Variants in IFI16 observed in about 807,000 individuals in gnomAD.
IFI16 encodes the protein interferon gamma inducible protein 16.
Under a neutral mutation model 68.4 loss-of-function variants are expected in IFI16, and 49 were observed. That is an observed-to-expected ratio of 0.72 (90% CI 0.57 to 0.91). The LOEUF is 0.91. Ranked by LOEUF, IFI16 falls within the 40% of genes least tolerant of loss-of-function variation. The probability of loss-of-function intolerance (pLI) is 0.00; values close to 1 mark genes in which losing one functional copy is unlikely to be tolerated. For synonymous variants in IFI16, 307 were observed against 315.0 expected, an observed-to-expected ratio of 0.97 and a Z score of 0.27; for missense variants, 878 against 942.9, an observed-to-expected ratio of 0.93 and a Z score of 0.90.
chr1:159,013,874 C>G (rs1406995246), intron 1 of IFI16, among the ~76,000 whole-genome samples: 1 of 151,870 alleles, frequency 6.6e-6, no homozygotes, highest in East Asian at 1.9e-4. Context: ...GTATAGGAAG[C>G]AAGGAATTTT....
upstream of IFI16, among the ~76,000 whole-genome samples, chr1:159,002,200 A>G (rs1006209138): frequency 1.3e-5 from 2 of 152,172 alleles, no homozygotes; most frequent in Non-Finnish European, 2.9e-5. Context: ...ACAGCTAGTA[A>G]AAGACAGTAC....
intron 6 of IFI16, 34 bp from the exon 7 acceptor site, chr1:159,032,490 T>G (rs2101873178): frequency 7.3e-7 from 1 of 1,374,750 alleles, no homozygotes; most frequent in East Asian, 2.4e-5. Flanking sequence ...CCTCTAATAT[T>G]GAAAACCATT....
At chr1:159,038,731 C>T (rs751796400) in intron 7 of IFI16, among the ~76,000 whole-genome samples, 1 of 152,134 alleles carries the variant, frequency 6.6e-6, no homozygotes, top group Non-Finnish European at 1.5e-5. Flanking sequence ...TCCAGACACC[C>T]TCTATCCTTT....
intron 1 of IFI16, 100 bp downstream of exon 1, chr1:159,010,261 G>A (rs1470457947): frequency 6.6e-6 from 1 of 152,216 alleles, no homozygotes; most frequent in Non-Finnish European, 1.5e-5. Context: ...AGGGTCATGG[G>A]ATGATGGGAG....
At chr1:159,030,026 G>A (rs1163611336) in intron 6 of IFI16, among the ~76,000 whole-genome samples, 5 of 152,120 alleles carry the variant, frequency 3.3e-5, no homozygotes, top group African/African-American at 9.7e-5. Flanking sequence ...TTGTCAGATT[G>A]AGTTAATTCA....
intron 2 of IFI16, 48 bp downstream of exon 2, chr1:159,014,993 C>T (rs1652832462): frequency 6.6e-7 from 1 of 1,512,594 alleles, no homozygotes; most frequent in Non-Finnish European, 8.9e-7. Flanking sequence ...TCCCCAAACC[C>T]TCCCCAACAT....
chr1:159,053,741 A>T lies in IFI16; in HGVS notation c.2277+17A>T. ...CACATCAAGGTTGGAACTTTATAGGAACATCATTTTTCCAAGTGGCGAATC... is the reference window on the plus strand; with the variant it reads ...CACATCAAGGTTGGAACTTTATAGGTACATCATTTTTCCAAGTGGCGAATC... On this transcript the variant is annotated intron_variant, in intron 11 of 11. Transcript: ENST00000295809. 1.3e-6 allele frequency: 2 copies of T among 1,592,032 alleles called. No homozygotes were observed. The highest frequency in any genetic ancestry group is 2.2e-5 in the South Asian group (2 of 90,334).
upstream of IFI16, among the ~76,000 whole-genome samples, chr1:159,005,302 G>A (rs1652212757): frequency 6.6e-6 from 1 of 152,136 alleles, no homozygotes; most frequent in Non-Finnish European, 1.5e-5. Context: ...TCCATTACAG[G>A]GAGGGTCAGA....
Position 159,016,465 on chromosome 1 carries a change from A to G in IFI16, c.382-68A>G, listed in dbSNP as rs529424350. 42 of 1,363,540 alleles carry G rather than the reference A, an allele frequency of 3.1e-5. 1 individual carries two copies. In the South Asian group the frequency reaches 4.7e-4, roughly 15 times the overall value. 84.5% of individuals were successfully genotyped at this position (1,363,540 alleles called of 1,614,324 possible). ...TTAGGAATAATAAAACTACTATCCA[A>G]TAATGAAAATGTGCTCTACTTCATT... is the stretch of plus-strand genomic sequence containing the variant. On this transcript the variant is annotated intron_variant, in intron 3 of 11. Transcript: ENST00000295809.
chr1:159,023,909 G>A (rs903768949), intron 6 of IFI16, among the ~76,000 whole-genome samples: 2 of 152,170 alleles, frequency 1.3e-5, no homozygotes, highest in African/African-American at 4.8e-5. Context: ...GCTTGCCCTC[G>A]GGGGCGGACC....
intron 6 of IFI16, among the ~76,000 whole-genome samples, chr1:159,024,568 C>A (rs1289765563): frequency 6.6e-6 from 1 of 152,154 alleles, no homozygotes; most frequent in Non-Finnish European, 1.5e-5. Context: ...TACAAGGTTG[C>A]CAGGCTGTAG....
intron 9 of IFI16, among the ~76,000 whole-genome samples, chr1:159,051,371 C>T (rs778003312): frequency 3.9e-5 from 6 of 152,294 alleles, no homozygotes; most frequent in Non-Finnish European, 7.4e-5. Context: ...TGCCTTTACC[C>T]TCTGCTTCCC....
At chr1:159,029,771 C>T (rs563830873) in intron 6 of IFI16, among the ~76,000 whole-genome samples, 1 of 151,740 alleles carries the variant, frequency 6.6e-6, no homozygotes, top group African/African-American at 2.4e-5. Context: ...ACCTCCACCT[C>T]CCAGGTTCAA....
chr1:159,052,950 T>A (rs1422976798), intron 10 of IFI16: 1 of 152,354 alleles, frequency 6.6e-6, no homozygotes, highest in African/African-American at 2.4e-5. Flanking sequence ...TTTAAATGAC[T>A]GTACATATAT....
At chr1:159,033,272 C>T (rs185360202) in intron 7 of IFI16, among the ~76,000 whole-genome samples, 2 of 152,272 alleles carry the variant, frequency 1.3e-5, no homozygotes, top group Non-Finnish European at 1.5e-5. Context: ...CACAGGGTCT[C>T]CTGTCAATGA....
chr1:159,039,028 A>C (rs897215606), intron 7 of IFI16, among the ~76,000 whole-genome samples: 10 of 152,164 alleles, frequency 6.6e-5, no homozygotes, highest in Admixed American at 3.3e-4. Context: ...ACTTTGGTTA[A>C]TGTTGTTCTA....
At chr1:159,001,068 A>G (rs918047730), upstream of IFI16, among the ~76,000 whole-genome samples, 4 of 152,242 alleles carry the variant, frequency 2.6e-5, no homozygotes, top group Admixed American at 6.5e-5. Context: ...TCTTTATAAA[A>G]AAGAAAAATT....
intron 10 of IFI16, 67 bp downstream of exon 10, chr1:159,052,165 C>A: frequency 1.5e-6 from 2 of 1,320,740 alleles, no homozygotes; most frequent in Non-Finnish European, 1.0e-6. Flanking sequence ...CTTAACTTGT[C>A]AACTGGAGTT....
At chr1:159,016,730 G>GT (rs1358457381) in intron 4 of IFI16, 30 bp downstream of exon 4, 27 of 1,583,780 alleles carry the variant, frequency 1.7e-5, no homozygotes, top group East Asian at 2.3e-5. Context: ...ATTTTGCTTT[G>GT]TTTTTTTCAA....
Sources: gnomAD v4.1 joint callset for allele counts (sites outside exome capture counted in the v4.1 genomes callset) on GRCh38, gnomAD v4.1.1 for gene constraint, MANE v1.5 for transcripts, NCBI Gene and HGNC (gene_info 2026-07-23, HGNC 2026-07-21) for gene names.